Variants in PUDP observed in about 807,000 individuals in gnomAD.
PUDP encodes the protein pseudouridine 5'-phosphatase, also known as pseudouridine-5'-phosphatase.
Under a neutral mutation model 9.4 loss-of-function variants are expected in PUDP, and 8 were observed. The ratio of observed to expected loss-of-function variants is 0.85; its 90% CI spans 0.50 to 1.53. The LOEUF (loss-of-function observed/expected upper bound fraction) is 1.53. PUDP is among the 40% of genes most tolerant of loss of function. PUDP has a pLI of 0.00. For missense variants in PUDP, 188 were observed against 189.7 expected (o/e 0.99, Z 0.05); for synonymous variants, 99 against 80.7 (o/e 1.23, Z -1.22).
chrX:6,806,541 C>G (rs1240050360), intron 3 of PUDP, among the ~76,000 whole-genome samples: 1 of 111,781 alleles, frequency 8.9e-6, no homozygotes, highest in Admixed American at 9.5e-5. Flanking sequence ...GTTGCCCAGG[C>G]TGGTCTCCAA....
intron 3 of PUDP, among the ~76,000 whole-genome samples, chrX:6,860,714 C>T (rs779911869): frequency 7.2e-5 from 8 of 111,571 alleles, no homozygotes; most frequent in African/African-American, 2.6e-4. Flanking sequence ...TCAGGTAATC[C>T]GCCCTCCTCG....
chrX:7,132,222 C>T (rs745442229), intron 1 of PUDP, among the ~76,000 whole-genome samples: 4 of 111,232 alleles, frequency 3.6e-5, no homozygotes, highest in African/African-American at 1.3e-4. Flanking sequence ...CGAAGGAACA[C>T]CCTGAACATC....
intron 3 of PUDP, among the ~76,000 whole-genome samples, chrX:6,917,623 C>T (rs1927955944): frequency 8.9e-6 from 1 of 111,878 alleles, no homozygotes; most frequent in South Asian, 3.7e-4. Flanking sequence ...CTTATTTATT[C>T]AAAGCTAATG....
intron 3 of PUDP, among the ~76,000 whole-genome samples, chrX:6,926,080 G>A (rs753645486): frequency 5.4e-5 from 6 of 111,575 alleles, no homozygotes; most frequent in African/African-American, 1.6e-4. Flanking sequence ...CATCATGGCC[G>A]GGAACTCAGT....
intron 1 of PUDP, among the ~76,000 whole-genome samples, chrX:7,128,611 CAAGCTGG>C (rs1932541755): frequency 9.0e-6 from 1 of 111,133 alleles, no homozygotes; most frequent in Non-Finnish European, 1.9e-5. Flanking sequence ...CCTGGCATTC[CAAGCTGG>C]TACCCAAACA....
At chrX:6,997,226 T>C (rs1035656435) in intron 1 of PUDP, among the ~76,000 whole-genome samples, 1 of 111,689 alleles carries the variant, frequency 9.0e-6, no homozygotes, top group Non-Finnish European at 1.9e-5. Context: ...AAAATGAAAA[T>C]AGCTATCAAT....
intron 3 of PUDP, among the ~76,000 whole-genome samples, chrX:6,778,137 C>T (rs191570102): frequency 2.1e-4 from 24 of 111,732 alleles, no homozygotes; most frequent in Admixed American, 1.6e-3. Context: ...GGAAACAGCT[C>T]GACAGACTGC....
At chrX:6,710,708 A>G (rs762409803) in intron 1 of PUDP, among the ~76,000 whole-genome samples, 38 of 112,470 alleles carry the variant, frequency 3.4e-4, no homozygotes, top group Non-Finnish European at 6.4e-4. Context: ...TTCGCAGAAT[A>G]AAATCACCTT....
chrX:6,852,576 A>G (rs967145412), intron 3 of PUDP, among the ~76,000 whole-genome samples: 13 of 96,384 alleles, frequency 1.3e-4, no homozygotes, highest in Non-Finnish European at 2.6e-4. Flanking sequence ...TTGCAAATTC[A>G]TTCTCAAACA....
At chrX:6,740,021 T>C (rs751405076) in intron 3 of PUDP, among the ~76,000 whole-genome samples, 13 of 111,865 alleles carry the variant, frequency 1.2e-4, no homozygotes, top group African/African-American at 2.6e-4. Context: ...TGTTTGATCA[T>C]AGACACCTTT....
At chrX:6,855,195 T>C (rs895252661) in intron 3 of PUDP, among the ~76,000 whole-genome samples, 2 of 111,067 alleles carry the variant, frequency 1.8e-5, no homozygotes, top group African/African-American at 6.5e-5. Context: ...ACTTAATGAA[T>C]AGTAAATGTA....
chrX:7,048,231 A>G (rs755890881), downstream of PUDP, among the ~76,000 whole-genome samples: 1 of 112,472 alleles, frequency 8.9e-6, no homozygotes, highest in South Asian at 3.7e-4. Flanking sequence ...CACACAATAT[A>G]TAAGCAAACA....
At chrX:7,027,491 T>C (rs2146824113) in intron 1 of PUDP, among the ~76,000 whole-genome samples, 1 of 106,751 alleles carries the variant, frequency 9.4e-6, no homozygotes, top group Non-Finnish European at 1.9e-5. Context: ...TGTATGTATA[T>C]ACACATATAT....
At chrX:6,875,423 C>T (rs965642436) in intron 3 of PUDP, among the ~76,000 whole-genome samples, 12 of 111,596 alleles carry the variant, frequency 1.1e-4, no homozygotes, top group Non-Finnish European at 1.7e-4. Context: ...CCATCTCCCA[C>T]ACATGAGCAC....
chrX:6,754,419 G>C (rs1351630772), intron 3 of PUDP, among the ~76,000 whole-genome samples: 1 of 110,247 alleles, frequency 9.1e-6, no homozygotes, highest in African/African-American at 3.3e-5. Context: ...TCCAGTCTTA[G>C]GTATGCCTTT....
chrX:6,729,134 A>C (rs1924779173), intron 3 of PUDP, among the ~76,000 whole-genome samples: 1 of 111,820 alleles, frequency 8.9e-6, no homozygotes, highest in African/African-American at 3.3e-5. Context: ...TTGGGCCCTT[A>C]AAATGACTAC....
intron 2 of PUDP, among the ~76,000 whole-genome samples, chrX:7,088,365 G>A (rs1931326295): frequency 9.0e-6 from 1 of 111,064 alleles, no homozygotes; most frequent in Non-Finnish European, 1.9e-5. Flanking sequence ...ATGTGATAGT[G>A]GGACTGAATG....
At chrX:6,751,960 T>C (rs1191074385) in intron 3 of PUDP, among the ~76,000 whole-genome samples, 2 of 110,870 alleles carry the variant, frequency 1.8e-5, no homozygotes, top group Admixed American at 1.9e-4. Context: ...TTCTCTCTCT[T>C]CCATCAGGAG....
At chrX:6,975,887 CAG>C (rs1413493153) in intron 3 of PUDP, among the ~76,000 whole-genome samples, 3 of 112,423 alleles carry the variant, frequency 2.7e-5, no homozygotes. Context: ...GCCTTTCTTT[CAG>C]AGATGCCCTG....
Sources: gnomAD v4.1 joint callset for allele counts (sites outside exome capture counted in the v4.1 genomes callset) on GRCh38, gnomAD v4.1.1 for gene constraint, MANE v1.5 for transcripts, NCBI Gene and HGNC (gene_info 2026-07-23, HGNC 2026-07-21) for gene names.